PITPNC1: variants seen among roughly 807,000 people sequenced by gnomAD.
PITPNC1 encodes the protein cytoplasmic phosphatidylinositol transfer protein 1.
Under a neutral mutation model 44.7 loss-of-function variants are expected in PITPNC1, and 18 were observed. The observed-to-expected ratio is 0.40, with a 90% CI of 0.28 to 0.60. The LOEUF (loss-of-function observed/expected upper bound fraction) is 0.60. PITPNC1 is among the 20% of genes least tolerant of loss of function. PITPNC1 has a pLI of 0.39. For missense variants in PITPNC1, 290 were observed against 418.4 expected, an observed-to-expected ratio of 0.69 and a Z score of 2.68; for synonymous variants, 141 against 149.6, an observed-to-expected ratio of 0.94 and a Z score of 0.42.
At chr17:67,609,486 CA>C (rs1437970471) in intron 5 of PITPNC1, among the ~76,000 whole-genome samples, 1 of 150,100 alleles carries the variant, frequency 6.7e-6, no homozygotes, top group Admixed American at 6.6e-5. Context: ...GACGGGATTT[CA>C]CCATGTTGGC....
intron 1 of PITPNC1, among the ~76,000 whole-genome samples, chr17:67,495,658 G>C (rs1430406871): frequency 6.6e-6 from 1 of 152,178 alleles, no homozygotes; most frequent in African/African-American, 2.4e-5. Context: ...TCCTGCATTA[G>C]TTTGCTAAGG....
At chr17:67,494,461 G>A (rs942937979) in intron 1 of PITPNC1, among the ~76,000 whole-genome samples, 5 of 151,946 alleles carry the variant, frequency 3.3e-5, no homozygotes, top group African/African-American at 9.7e-5. Context: ...GCCTCCCAAA[G>A]TGCTGGGATT....
At chr17:67,447,089 CAAAAAAAAAA>C (rs749024248) in intron 1 of PITPNC1, among the ~76,000 whole-genome samples, 12 of 35,324 alleles carry the variant, frequency 3.4e-4, no homozygotes, top group Admixed American at 1.4e-3. Context: ...GACTCTGTCT[CAAAAAAAAAA>C]AAAAAAAAAA....
intron 7 of PITPNC1, among the ~76,000 whole-genome samples, chr17:67,674,376 C>T (rs1325789794): frequency 1.3e-5 from 2 of 151,804 alleles, no homozygotes; most frequent in African/African-American, 4.8e-5. Flanking sequence ...TGGTGGTGCG[C>T]ACCTGTAGTC....
chr17:67,631,056 A>ATTG (rs1351259625), intron 5 of PITPNC1, among the ~76,000 whole-genome samples: 2 of 79,406 alleles, frequency 2.5e-5, no homozygotes, highest in Non-Finnish European at 4.8e-5. Context: ...TGTTGTTGTT[A>ATTG]TTATTATTAT....
intron 1 of PITPNC1, among the ~76,000 whole-genome samples, chr17:67,451,741 C>A (rs2039180138): frequency 6.6e-6 from 1 of 151,898 alleles, no homozygotes; most frequent in East Asian, 1.9e-4. Flanking sequence ...CGGGTTCATG[C>A]CATTCTCCTG....
At chr17:67,592,491 G>A (rs561236947) in intron 5 of PITPNC1, among the ~76,000 whole-genome samples, 1 of 152,240 alleles carries the variant, frequency 6.6e-6, no homozygotes, top group Non-Finnish European at 1.5e-5. Flanking sequence ...GTCATAAATT[G>A]TAAAATCAGA....
At chr17:67,544,011 G>T (rs888347143) in intron 2 of PITPNC1, among the ~76,000 whole-genome samples, 7 of 152,076 alleles carry the variant, frequency 4.6e-5, no homozygotes, top group Non-Finnish European at 8.8e-5. Flanking sequence ...CTACCACGCC[G>T]GGCTAATTTT....
intron 1 of PITPNC1, among the ~76,000 whole-genome samples, chr17:67,499,902 C>A (rs977263087): frequency 2.0e-5 from 3 of 152,216 alleles, no homozygotes; most frequent in South Asian, 2.1e-4. Context: ...ATATCCCCAT[C>A]GTTAAGCAAT....
At chr17:67,664,030 T>C (rs921087773) in intron 6 of PITPNC1, among the ~76,000 whole-genome samples, 1 of 152,200 alleles carries the variant, frequency 6.6e-6, no homozygotes, top group Non-Finnish European at 1.5e-5. Context: ...TGGCGTGATC[T>C]TGGCTCACTG....
intron 1 of PITPNC1, among the ~76,000 whole-genome samples, chr17:67,435,072 G>A (rs1025789298): frequency 1.5e-5 from 2 of 137,266 alleles, no homozygotes; most frequent in African/African-American, 5.6e-5. Flanking sequence ...TCACGCCACT[G>A]CACTCCAGCC....
At chr17:67,550,793 C>G (rs367745174) in intron 2 of PITPNC1, among the ~76,000 whole-genome samples, 100 of 152,222 alleles carry the variant, frequency 6.6e-4, no homozygotes, top group African/African-American at 2.4e-3. Flanking sequence ...CGGGCGCAGT[C>G]GCTCACACCT....
chr17:67,548,734 C>T (rs1487087295), intron 2 of PITPNC1, among the ~76,000 whole-genome samples: 1 of 152,126 alleles, frequency 6.6e-6, no homozygotes, highest in African/African-American at 2.4e-5. Context: ...AAAGCCTGAG[C>T]CCTGGTGAGA....
In PITPNC1 at chr17:67,614,278, C is replaced by T. The variant is rs138268407; in HGVS notation, c.367-17865C>T. On this transcript the variant is annotated intron_variant, in intron 5 of 8. Coordinates refer to ENST00000581322, the MANE Select transcript of PITPNC1 (RefSeq NM_012417.4). Reference sequence around the variant, plus strand: ...TGAGGGACGAACTGACACTTTATTACGGAATCACAGATGAGATTCCAGAAT... The same window carrying T: ...TGAGGGACGAACTGACACTTTATTATGGAATCACAGATGAGATTCCAGAAT... Among the ~76,000 whole-genome samples the T allele has an allele frequency of 1.0e-3, 157 of 151,998 alleles. 1 individual carries two copies. In the East Asian group the frequency reaches 0.026, roughly 25 times the overall value.
At chr17:67,507,281 G>A (rs185024637) in intron 1 of PITPNC1, among the ~76,000 whole-genome samples, 27 of 152,294 alleles carry the variant, frequency 1.8e-4, no homozygotes, top group African/African-American at 3.6e-4. Flanking sequence ...AGACTAGGGT[G>A]GGTATGAGTC....
chr17:67,598,458 T>C (rs1028527797), intron 5 of PITPNC1, among the ~76,000 whole-genome samples: 4 of 152,196 alleles, frequency 2.6e-5, no homozygotes, highest in African/African-American at 7.2e-5. Context: ...GTTAAAATCC[T>C]AATCACCGCA....
intron 1 of PITPNC1, among the ~76,000 whole-genome samples, chr17:67,463,978 G>A (rs1246239086): frequency 1.3e-5 from 2 of 152,084 alleles, no homozygotes; most frequent in East Asian, 1.9e-4. Context: ...CAGATCACTT[G>A]AGGTCAAGAG....
At position 67,552,169 on chromosome 17, in the gene PITPNC1, T is replaced by C. The variant is rs1432189547; in HGVS notation, c.198-88T>C. ...AAGAGATGCCCCAGAATCCCCCTGA[T>C]TTCTCCAGCATTTTATCCAGAAAGA... is the stretch of plus-strand genomic sequence containing the variant. On this transcript the variant is annotated intron_variant, in intron 2 of 8. Transcript: ENST00000581322. 7 of 759,336 alleles carry C rather than the reference T, an allele frequency of 9.2e-6. No individual in the cohort carries two copies. The Admixed American group carries it at 1.3e-4, about 14-fold the overall frequency. The allele number at this position is 759,336 out of a possible 1,614,324, so 47.0% of individuals were successfully genotyped here.
At chr17:67,463,626 G>A (rs1317214760) in intron 1 of PITPNC1, among the ~76,000 whole-genome samples, 7 of 152,172 alleles carry the variant, frequency 4.6e-5, no homozygotes, top group South Asian at 2.1e-4. Context: ...TTGGCTAGGC[G>A]CAGTGCCTCA....
Sources: gnomAD v4.1 joint callset for allele counts (sites outside exome capture counted in the v4.1 genomes callset) on GRCh38, gnomAD v4.1.1 for gene constraint, MANE v1.5 for transcripts, NCBI Gene and HGNC (gene_info 2026-07-23, HGNC 2026-07-21) for gene names.